Variants in APBA1 observed in about 807,000 individuals in gnomAD.
The protein encoded by APBA1 is amyloid beta precursor protein binding family A member 1.
A neutral mutation model predicts 86.6 loss-of-function variants in APBA1; 55 were observed. The ratio of observed to expected loss-of-function variants is 0.64; its 90% CI spans 0.51 to 0.80. The LOEUF is 0.80. Ranked by LOEUF, APBA1 falls within the 30% of genes least tolerant of loss-of-function variation. APBA1 has a pLI of 0.00. For missense variants in APBA1, 1,090 were observed against 1,183.0 expected (o/e 0.92, Z 1.15); for synonymous variants, 511 against 493.9 (o/e 1.03, Z -0.46).
At chr9:69,501,627 AAAACACACAC>A (rs1306161821) in intron 2 of APBA1, among the ~76,000 whole-genome samples, 3 of 110,254 alleles carry the variant, frequency 2.7e-5, no homozygotes, top group Admixed American at 1.1e-4. Context: ...CTGTCTCTAC[AAAACACACAC>A]ACACACACAC....
chr9:69,590,267 G>A (rs1822104663), intron 1 of APBA1, among the ~76,000 whole-genome samples: 1 of 152,206 alleles, frequency 6.6e-6, no homozygotes. Context: ...CCAGTTCCTG[G>A]CAGATCCAGC....
intron 1 of APBA1, among the ~76,000 whole-genome samples, chr9:69,561,656 G>T (rs1457737602): frequency 1.3e-5 from 2 of 149,420 alleles, no homozygotes; most frequent in Admixed American, 6.7e-5. Context: ...CTGAAACAGA[G>T]ACTCACTGTG....
Position 69,466,787 on chromosome 9 carries a change from C to A in APBA1, c.1482+1036G>T, listed in dbSNP as rs1835287150. On this transcript the variant is annotated intron_variant, in intron 5 of 12. Transcript: ENST00000265381. ...CTCTTTCTCCTTCCACGTTACCACA[C>A]AAACACCAGGGTGCAACCTGGGAGT... 2.0e-5 allele frequency among the ~76,000 whole-genome samples: 3 copies of A among 152,252 alleles called. No individual in the cohort carries two copies. In the South Asian group the frequency reaches 6.2e-4, roughly 31 times the overall value.
Position 69,428,506 on chromosome 9 carries a change from A to G in APBA1, c.*2821T>C. ...TGCCTCTGCCTGGACCAGGAGGGGG[A>G]GGTGAACGTGGGAGTCCAACCCCAA... On this transcript the variant is annotated 3_prime_UTR_variant, in exon 13 of 13. Coordinates refer to ENST00000265381, the MANE Select transcript of APBA1 (RefSeq NM_001163.4). 1 of 152,220 alleles carries G rather than the reference A, an allele frequency of 6.6e-6. No individual in the cohort carries two copies. The highest frequency in any genetic ancestry group is 1.5e-5 in the Non-Finnish European group (1 of 68,052). The allele number at this position is 152,220 out of a possible 1,614,324, so 9.4% of individuals were successfully genotyped here.
At chr9:69,601,554 G>A (rs115993987) in intron 1 of APBA1, among the ~76,000 whole-genome samples, 4,061 of 152,304 alleles carry the variant, frequency 0.027, 84 homozygotes, top group African/African-American at 0.05. Context: ...TTGTCATAGT[G>A]TAGCTAAATG....
chr9:69,437,620 G>T (rs1178486163), intron 11 of APBA1, among the ~76,000 whole-genome samples: 3 of 27,006 alleles, frequency 1.1e-4, no homozygotes, highest in Non-Finnish European at 2.3e-4. Flanking sequence ...GATCATTGGT[G>T]ATATCCCCTT....
chr9:69,528,272 T>A (rs571190278), intron 1 of APBA1, among the ~76,000 whole-genome samples: 2 of 152,140 alleles, frequency 1.3e-5, no homozygotes, highest in Non-Finnish European at 2.9e-5. Context: ...ATTCATCCAC[T>A]TGGATTAATT....
chr9:69,469,681 T>C (rs140780505), intron 4 of APBA1, among the ~76,000 whole-genome samples: 269 of 152,322 alleles, frequency 1.8e-3, no homozygotes, highest in African/African-American at 6.0e-3. Context: ...ATATATGATA[T>C]ACAGTTTCAG....
chr9:69,567,049 A>G (rs1480866346), intron 1 of APBA1, among the ~76,000 whole-genome samples: 2 of 152,152 alleles, frequency 1.3e-5, no homozygotes, highest in Non-Finnish European at 2.9e-5. Flanking sequence ...TGGTCTATAC[A>G]CTTCAGTACT....
chr9:69,493,932 C>T (rs1226773902), intron 2 of APBA1, among the ~76,000 whole-genome samples: 1 of 152,058 alleles, frequency 6.6e-6, no homozygotes, highest in Non-Finnish European at 1.5e-5. Flanking sequence ...TTAGATTAAC[C>T]TTATTCCACA....
At chr9:69,630,584 A>T (rs1823022266) in intron 1 of APBA1, among the ~76,000 whole-genome samples, 1 of 151,996 alleles carries the variant, frequency 6.6e-6, no homozygotes, top group South Asian at 2.1e-4. Flanking sequence ...TCACTCCCCA[A>T]CACTTCTCTT....
At chr9:69,627,014 A>G (rs2133994604) in intron 1 of APBA1, among the ~76,000 whole-genome samples, 1 of 152,236 alleles carries the variant, frequency 6.6e-6, no homozygotes, top group South Asian at 2.1e-4. Context: ...AGTGCCTTCC[A>G]GTCACTATTC....
At chr9:69,658,280 CTT>C (rs138931756) in intron 1 of APBA1, among the ~76,000 whole-genome samples, 4,840 of 62,292 alleles carry the variant, frequency 0.078, 260 homozygotes, top group African/African-American at 0.18. Flanking sequence ...TTCTTTCTTT[CTT>C]TCTCTCTCTC....
intron 1 of APBA1, among the ~76,000 whole-genome samples, chr9:69,637,896 T>C (rs1392508305): frequency 6.6e-6 from 1 of 152,168 alleles, no homozygotes; most frequent in Non-Finnish European, 1.5e-5. Context: ...AGGCAGGACA[T>C]ATGAAATAGA....
At chr9:69,655,011 G>C (rs1406279905) in intron 1 of APBA1, among the ~76,000 whole-genome samples, 3 of 152,122 alleles carry the variant, frequency 2.0e-5, no homozygotes, top group Non-Finnish European at 4.4e-5. Flanking sequence ...TAACATCCTT[G>C]ATGATAAAAA....
intron 1 of APBA1, among the ~76,000 whole-genome samples, chr9:69,604,198 A>T (rs1365988830): frequency 6.6e-6 from 1 of 151,814 alleles, no homozygotes; most frequent in Non-Finnish European, 1.5e-5. Context: ...ACGCATGCAC[A>T]CACTTGAGGG....
At chr9:69,447,376 C>T (rs1319812335) in intron 10 of APBA1, among the ~76,000 whole-genome samples, 1 of 152,214 alleles carries the variant, frequency 6.6e-6, no homozygotes, top group Non-Finnish European at 1.5e-5. Flanking sequence ...TCTCTTGCAT[C>T]TGAACTCCTA....
chr9:69,601,480 A>G (rs1319684067), intron 1 of APBA1, among the ~76,000 whole-genome samples: 1 of 152,222 alleles, frequency 6.6e-6, no homozygotes, highest in Non-Finnish European at 1.5e-5. Context: ...GGACCATAAA[A>G]CTACTTGTTG....
intron 1 of APBA1, among the ~76,000 whole-genome samples, chr9:69,644,042 C>G (rs142990377): frequency 1.3e-5 from 2 of 152,210 alleles, no homozygotes; most frequent in Admixed American, 6.5e-5. Flanking sequence ...GCCAGGCCTT[C>G]CTTGACCACT....
Sources: gnomAD v4.1 joint callset for allele counts (sites outside exome capture counted in the v4.1 genomes callset) on GRCh38, gnomAD v4.1.1 for gene constraint, MANE v1.5 for transcripts, NCBI Gene and HGNC (gene_info 2026-07-23, HGNC 2026-07-21) for gene names.